CFAP65: variants seen among roughly 807,000 people sequenced by gnomAD.
CFAP65 encodes the protein cilia and flagella associated protein 65.
Under a neutral mutation model 208.0 loss-of-function variants are expected in CFAP65, and 155 were observed. The ratio of observed to expected loss-of-function variants is 0.75; its 90% confidence interval spans 0.65 to 0.85. The LOEUF is 0.85. Among genes scored for constraint, CFAP65 ranks in the 40% least tolerant of loss-of-function variants. The pLI is 0.00. For missense variants in CFAP65, 2,294 were observed against 2,451.3 expected (o/e 0.94, Z 1.36); for synonymous variants, 970 against 986.3 (o/e 0.98, Z 0.31).
At position 219,004,921 on chromosome 2, in the gene CFAP65, CTT is replaced by C. The variant is rs1174062250; in HGVS notation, c.5052-468_5052-467del. On this transcript the variant is annotated intron_variant, in intron 32 of 34. Coordinates refer to ENST00000341552, the MANE Select transcript of CFAP65 (RefSeq NM_194302.4). This position sits in a 1 kb window ranked among gnomAD's most constrained non-coding sequence, Gnocchi z 4.7. ...TCTATTTCTCTCTTTCTTTCTCTCTCTTTCTCTCCTCTTTTTTCTTTCTTTCT... is the reference window on the plus strand; with the variant it reads ...TCTATTTCTCTCTTTCTTTCTCTCTCTCTCTCCTCTTTTTTCTTTCTTTCT... Among the ~76,000 whole-genome samples the C allele has an allele frequency of 2.7e-5, 4 of 148,876 alleles. No homozygotes were observed. The highest frequency in any genetic ancestry group is 1.0e-4 in the African/African-American group (4 of 38,864).
intron 21 of CFAP65, chr2:219,015,634 A>G (rs1946824606): frequency 6.6e-6 from 1 of 152,238 alleles, no homozygotes; most frequent in Non-Finnish European, 1.5e-5. Flanking sequence ...TTGGCAGCTT[A>G]TGCCCTTTGA....
rs746868794 is a variant in CFAP65 at position 219,027,791 on chromosome 2, T to C, written c.2070A>G (p.Arg690=). The C allele has an allele frequency of 6.2e-7, 1 of 1,613,354 alleles. No homozygotes were observed. Among genetic ancestry groups the C allele is most frequent in the Non-Finnish European group, 8.5e-7 (1 of 1,179,536 alleles). ...TCACCCAGAAGGGGCAGTCAGACCT[T>C]CGCGTCCAGACCACCATGATCTTGC... ...TKGKIMVVWT[R]RSDCPFWVTP... The change falls in exon 13 of 35, where the codon CGA becomes CGG. Residue 690 remains arginine, a synonymous_variant. Coordinates refer to ENST00000341552, the MANE Select transcript of CFAP65 (RefSeq NM_194302.4).
rs370216441 is a variant in CFAP65 at position 219,027,728 on chromosome 2, C to A, written c.2133G>T (p.Met711Ile). ...ESCDVPPLKS[M>I]AMRLHFQPPH... ...GCGGCTGGAAGTGCAGGCGCATGGCCATGGACTTGAGTGGGGGCACGTCGC... is the reference window on the plus strand; with the variant it reads ...GCGGCTGGAAGTGCAGGCGCATGGCAATGGACTTGAGTGGGGGCACGTCGC... Residue 711 changes from methionine (M) to isoleucine (I), a missense_variant, in exon 13 of 35, where the codon ATG becomes ATT. Met to Ile is a conservative substitution (Grantham distance 10). This residue lies in a region of CFAP65 where 867 missense variants were observed against 1,012.6 expected (regional missense o/e 0.86). Transcript: ENST00000341552. 1 of 1,613,986 alleles carries A rather than the reference C, an allele frequency of 6.2e-7. No individual in the cohort carries two copies. The highest frequency in any genetic ancestry group is 8.5e-7 in the Non-Finnish European group (1 of 1,180,038).
intron 3 of CFAP65, 62 bp from the exon 4 acceptor site, chr2:219,038,640 G>A (rs113908571): frequency 1.4e-5 from 21 of 1,450,370 alleles, no homozygotes; most frequent in African/African-American, 1.1e-4. Flanking sequence ...GCTGAGGGAG[G>A]AGACTCTCAT....
At chr2:219,017,362 C>G (rs934223081) in intron 21 of CFAP65, among the ~76,000 whole-genome samples, 2 of 152,184 alleles carry the variant, frequency 1.3e-5, no homozygotes, top group Non-Finnish European at 2.9e-5. Flanking sequence ...TTCCCTGCTT[C>G]CCCTGGAGCT....
chr2:219,006,132 G>A lies in CFAP65; in HGVS notation c.4811C>T (p.Pro1604Leu), dbSNP rs936938384. The change falls in exon 31 of 35, where the codon CCC becomes CTC. Residue 1604 changes from proline (P) to leucine (L), a missense_variant. This residue lies in a region of CFAP65 where 1,427 missense variants were observed against 1,438.7 expected (regional missense o/e 0.99). Transcript: ENST00000341552. ...TPKEEVSWPC[P>L]QPPSPGMLCL... ...GAGCATGCCTGGCGAGGGTGGCTGG[G>A]GGCAGGGCCAGGACACCTCCTCCTT... 1.9e-6 allele frequency: 3 copies of A among 1,613,720 alleles called. No individual in the cohort carries two copies. Among genetic ancestry groups the A allele is most frequent in the Non-Finnish European group, 2.5e-6 (3 of 1,180,000 alleles).
rs774608400 is a variant in CFAP65, at chr2:219,035,687, G to A, written c.358-23C>T. 5.6e-6 allele frequency: 9 copies of A among 1,595,650 alleles called. No homozygotes were observed. In the South Asian group the frequency reaches 5.7e-5, roughly 10 times the overall value. On this transcript the variant is annotated intron_variant, in intron 4 of 34. Transcript: ENST00000341552. ...GGGCTGTTCAGGTGGCAGGGAGAAG[G>A]GGGAGCAGAAAGGATGTATCAGCAG...
rs1354362863 is a variant in CFAP65, at chr2:219,032,507, G to T, written c.608C>A (p.Thr203Asn). The change falls in exon 6 of 35, where the codon ACC becomes AAC. Residue 203 changes from threonine to asparagine, a missense_variant. Thr to Asn is a moderately conservative substitution (Grantham distance 65). Coordinates refer to ENST00000341552, the MANE Select transcript of CFAP65 (RefSeq NM_194302.4). This position sits in a 1 kb window ranked among gnomAD's most constrained non-coding sequence, Gnocchi z 5.5. ...PQPIFLSPGITLTLPIVFRPL... is the reference protein window; with the variant it reads ...PQPIFLSPGINLTLPIVFRPL... Reference sequence around the variant, plus strand: ...CCGGAAGACGATGGGGAGCGTGAGGGTTATGCCTGGGCTCAGGAAGATGGG... The same window carrying T: ...CCGGAAGACGATGGGGAGCGTGAGGTTTATGCCTGGGCTCAGGAAGATGGG... 2 of 1,605,688 alleles carry T rather than the reference G, an allele frequency of 1.2e-6. No individual in the cohort carries two copies. Among genetic ancestry groups the T allele is most frequent in the Admixed American group, 1.7e-5 (1 of 58,910 alleles).
chr2:219,031,700 C>T lies in CFAP65; in HGVS notation c.646-42G>A, dbSNP rs1559158176. On this transcript the variant is annotated intron_variant, in intron 6 of 34. Transcript: ENST00000341552. The surrounding 1 kb of genome is among the most constrained non-coding windows in gnomAD (Gnocchi z 5.2). ...GGCAGGGGCAGTCACCCATCAGTGG[C>T]ATTCAGGGACTGCACATCCCGCCCA... 15 of 1,558,228 alleles carry T rather than the reference C, an allele frequency of 9.6e-6. No homozygotes were observed. The highest frequency in any genetic ancestry group is 1.3e-5 in the Non-Finnish European group (15 of 1,149,738).
At chr2:219,023,452 G>A in intron 15 of CFAP65, 21 bp from the exon 16 acceptor site, 1 of 1,522,698 alleles carries the variant, frequency 6.6e-7, no homozygotes, top group Non-Finnish European at 8.9e-7. Context: ...AGGAAGAAGG[G>A]CAGTGCCCTG....
chr2:219,012,641 G>A (rs1051326525), intron 24 of CFAP65, among the ~76,000 whole-genome samples: 1 of 152,250 alleles, frequency 6.6e-6, no homozygotes, highest in Admixed American at 6.5e-5. Context: ...CATTTCCAGA[G>A]CAAGGAAACT....
rs112476411 is a variant in CFAP65 at position 219,009,998 on chromosome 2, A to G, written c.4396T>C (p.Ser1466Pro). 6.2e-7 allele frequency: 1 copy of G among 1,612,656 alleles called. No individual in the cohort carries two copies. Among genetic ancestry groups the G allele is most frequent in the Admixed American group, 1.7e-5 (1 of 59,936 alleles). ...CSRLLFLNNI[S>P]KNEEIAFSWQ... ...GAGAAGGCAATTTCCTCGTTCTTGG[A>G]GATGTTGTTGAGGAAGAGCAGGCGG... The change falls in exon 27 of 35, where the codon TCC (serine) becomes CCC (proline). Residue 1466 changes from serine to proline, a missense_variant. Physicochemically the swap from Ser to Pro is moderately conservative, Grantham distance 74. This residue lies in a region of CFAP65 where 1,427 missense variants were observed against 1,438.7 expected (regional missense o/e 0.99). Transcript: ENST00000341552.
At position 219,040,244 on chromosome 2, in the gene CFAP65, C is replaced by T. The variant is rs182818559; in HGVS notation, c.-3+275G>A. 5.0e-3 allele frequency among the ~76,000 whole-genome samples: 761 copies of T among 152,222 alleles called. 9 individuals carry two copies. The highest frequency in any genetic ancestry group is 4.6e-3 in the Non-Finnish European group (314 of 68,010). The stretch of plus-strand genomic sequence containing the variant: ...CTTTTTCAAGTTTGTCGTTTAGTTC[C>T]TTATTTTAATGTGTTCAGATTTAGC... On this transcript the variant is annotated intron_variant, in intron 2 of 34. Transcript: ENST00000341552.
Position 219,023,997 on chromosome 2 carries a change from C to T in CFAP65, c.2595+18G>A. On this transcript the variant is annotated intron_variant, in intron 15 of 34. Transcript: ENST00000341552. ...GGCCCATTCCCAAGGACCCAGGTCC[C>T]CTCCCTCTGCCTCCTACCTTGAGAT... The T allele has an allele frequency of 6.2e-7, 1 of 1,608,266 alleles. No individual in the cohort carries two copies. The highest frequency in any genetic ancestry group is 8.5e-7 in the Non-Finnish European group (1 of 1,175,970).
At chr2:219,023,992 G>A in intron 15 of CFAP65, 23 bp downstream of exon 15, 1 of 1,606,878 alleles carries the variant, frequency 6.2e-7, no homozygotes, top group Non-Finnish European at 8.5e-7. Context: ...CAAGGACCCA[G>A]GTCCCCTCCC....
intron 18 of CFAP65, 139 bp from the exon 19 acceptor site, chr2:219,021,419 T>A: frequency 9.2e-7 from 1 of 1,081,268 alleles, no homozygotes; most frequent in Non-Finnish European, 1.3e-6. Context: ...GAGCCCCTCC[T>A]CCCAGCCTGG....
chr2:219,019,356 C>G (rs1947121193), intron 20 of CFAP65, 150 bp downstream of exon 20: 1 of 1,033,408 alleles, frequency 9.7e-7, no homozygotes, highest in East Asian at 2.6e-5. Flanking sequence ...TTCCCTGGGC[C>G]CCTCCAGGGA....
At position 219,004,392 on chromosome 2, in the gene CFAP65, C is replaced by T. The variant is rs139532198; in HGVS notation, c.5115G>A (p.Pro1705=). ...GCTCATTCCAGAATTGGCGGAAGTA[C>T]GGCACCTGCTCCACCAGGCTTTGGT... ...AVDQSLVEQV[P]YFRQFWNEQS... is the part of the protein sequence containing the mutation. Residue 1705 remains proline (P), a synonymous_variant, in exon 33 of 35, where the codon CCG becomes CCA. Transcript: ENST00000341552. This position sits in a 1 kb window ranked among gnomAD's most constrained non-coding sequence, Gnocchi z 4.7. The T allele has an allele frequency of 5.5e-5, 89 of 1,613,994 alleles. 3 individuals carry two copies. The South Asian group carries it at 6.9e-4, about 13-fold the overall frequency.
rs759440888 is a variant in CFAP65 at position 219,010,565 on chromosome 2, C to T, written c.4289G>A (p.Arg1430Lys). 20 of 1,611,158 alleles carry T rather than the reference C, an allele frequency of 1.2e-5. No individual in the cohort carries two copies. The highest frequency in any genetic ancestry group is 1.6e-5 in the Non-Finnish European group (19 of 1,179,552). Residue 1430 changes from arginine to lysine, a missense_variant, in exon 26 of 35, where the codon AGG (arginine) becomes AAG (lysine). Arg to Lys is a conservative substitution (Grantham distance 26, BLOSUM62 2). Around this residue, in one of 2 missense-constraint regions of CFAP65, gnomAD observed 1,427 missense variants for 1,438.7 expected, o/e 0.99. Coordinates refer to ENST00000341552, the MANE Select transcript of CFAP65 (RefSeq NM_194302.4). ...CCCCACCTGTCCAGGCACCACCAGC[C>T]TAGAGTGTATGGAACTGTTGTCCCA... Reference protein sequence around the residue: ...SSWDNSSIHSRLVVPGQNVFL... With the variant: ...SSWDNSSIHSKLVVPGQNVFL...
Sources: allele counts gnomAD v4.1 joint callset (sites outside exome capture counted in the v4.1 genomes callset), GRCh38; gene constraint gnomAD v4.1.1; regional missense constraint gnomAD v4.1.1; non-coding constraint Gnocchi (gnomAD v3.1); transcripts MANE v1.5; gene names NCBI Gene and HGNC (gene_info 2026-07-23, HGNC 2026-07-21).